The following SLC14A2 variants were observed in gnomAD, a reference collection of about 807,000 sequenced individuals.
SLC14A2 encodes solute carrier family 14 member 2.
SLC14A2 carries 91 observed loss-of-function variants against 104.6 expected under a neutral mutation model. That is an observed-to-expected ratio of 0.87 (90% confidence interval 0.73 to 1.04). The LOEUF is 1.04. Among genes scored for constraint, SLC14A2 ranks in the 50% least tolerant of loss-of-function variants. SLC14A2 has a pLI of 0.00. For missense variants in SLC14A2, 1,189 were observed against 1,156.0 expected (o/e 1.03, Z -0.41); for synonymous variants, 476 against 466.4 (o/e 1.02, Z -0.27).
intron 1 of SLC14A2, among the ~76,000 whole-genome samples, chr18:45,318,412 A>G (rs1293780665): frequency 6.6e-6 from 1 of 152,212 alleles, no homozygotes; most frequent in Non-Finnish European, 1.5e-5. Flanking sequence ...CCACAGGCTC[A>G]GGGCAGCTGA....
At position 45,357,345 on chromosome 18, in the gene SLC14A2, C is replaced by T. The variant is rs116731312; in HGVS notation, c.-124-125888C>T. Among the ~76,000 whole-genome samples the T allele has an allele frequency of 1.5e-3, 227 of 149,990 alleles. 1 individual carries two copies. Among genetic ancestry groups the T allele is most frequent in the African/African-American group, 5.4e-3 (217 of 40,444 alleles). On this transcript the variant is annotated intron_variant, in intron 1 of 20. Transcript: ENST00000586448. ...GGAAGAAAGAGGCCAGGCATGGTGG[C>T]TCACGCCTGTAATCCTAGCAATTTG...
rs192217516 is a variant in SLC14A2, at chr18:45,272,953, G to A, written c.-125+59762G>A. Among the ~76,000 whole-genome samples the A allele has an allele frequency of 4.7e-4, 72 of 152,148 alleles. 1 individual carries two copies. Among genetic ancestry groups the A allele is most frequent in the Middle Eastern group, 3.4e-3 (1 of 294 alleles). On this transcript the variant is annotated intron_variant, in intron 1 of 20. Coordinates refer to the SLC14A2 transcript ENST00000586448. The stretch of plus-strand genomic sequence containing the variant: ...AGCCAGCAACTGAATCCCTTATAGG[G>A]AGCCTAGTCATTAAGTAAACCCTAC...
chr18:45,461,250 G>A (rs560104380), intron 1 of SLC14A2, among the ~76,000 whole-genome samples: 250 of 152,248 alleles, frequency 1.6e-3, no homozygotes, highest in African/African-American at 5.7e-3. Flanking sequence ...TATTGCATTG[G>A]GAAAACTTGC....
At chr18:45,205,078 G>A in the SLC14A2 span, among the ~76,000 whole-genome samples, 1 of 152,162 alleles carries the variant, frequency 6.6e-6, no homozygotes, top group South Asian at 2.1e-4. Flanking sequence ...GTGAGAACTT[G>A]GAGCTTCCAC....
chr18:45,611,320 G>T (rs1421478568), upstream of SLC14A2, among the ~76,000 whole-genome samples: 3 of 152,144 alleles, frequency 2.0e-5, no homozygotes, highest in Non-Finnish European at 2.9e-5. Context: ...TGACTCCAAA[G>T]CCATGTTGTT....
intron 1 of SLC14A2, among the ~76,000 whole-genome samples, chr18:45,288,439 G>A (rs1377689661): frequency 1.3e-5 from 2 of 152,196 alleles, no homozygotes; most frequent in African/African-American, 4.8e-5. Context: ...TTTGCACTTT[G>A]GGGTGTAGTT....
At chr18:45,255,835 A>G (rs1178500305) in intron 1 of SLC14A2, among the ~76,000 whole-genome samples, 7 of 152,092 alleles carry the variant, frequency 4.6e-5, no homozygotes, top group Admixed American at 2.0e-4. Flanking sequence ...ACCCCCTTCA[A>G]TGGTGTCCTT....
chr18:45,375,465 G>A (rs555734492), intron 1 of SLC14A2, among the ~76,000 whole-genome samples: 3 of 152,186 alleles, frequency 2.0e-5, no homozygotes, highest in East Asian at 3.9e-4. Context: ...AACTTCCCAT[G>A]AGTTCATCTC....
At chr18:45,281,401 C>A (rs1442093608) in intron 1 of SLC14A2, among the ~76,000 whole-genome samples, 3 of 152,158 alleles carry the variant, frequency 2.0e-5, no homozygotes, top group Non-Finnish European at 4.4e-5. Context: ...AAGCACCAGG[C>A]AGGATTATCA....
At chr18:45,666,867 C>T (rs1288159769) in intron 12 of SLC14A2, 68 bp from the exon 13 acceptor site, 2 of 1,390,416 alleles carry the variant, frequency 1.4e-6, no homozygotes, top group East Asian at 2.3e-5. Context: ...TGAGTGACCA[C>T]AAACATGAAT....
At chr18:45,308,746 C>T (rs2085048784) in intron 1 of SLC14A2, among the ~76,000 whole-genome samples, 1 of 152,172 alleles carries the variant, frequency 6.6e-6, no homozygotes, top group African/African-American at 2.4e-5. Context: ...AAGATAATTG[C>T]TTAACTAAAG....
chr18:45,500,576 CA>C lies in SLC14A2; in HGVS notation c.-35+17274del, dbSNP rs34543837. Among the ~76,000 whole-genome samples the C allele has an allele frequency of 3.9e-3, 367 of 93,870 alleles. 2 individuals are homozygous for C. The highest frequency in any genetic ancestry group is 0.014 in the African/African-American group (302 of 20,880). 61.6% of individuals were successfully genotyped at this position (93,870 alleles called of 152,430 possible). On this transcript the variant is annotated intron_variant, in intron 2 of 20. Coordinates refer to the SLC14A2 transcript ENST00000586448. The stretch of plus-strand genomic sequence containing the variant: ...TGGGCGACAGAGCGAGACTCCGTCT[CA>C]AAAAAAAAAAAAAAAAAAAGAAATC...
Position 45,669,415 on chromosome 18 carries a change from TACA to T in SLC14A2, c.2149_2151del (p.Asn717del), listed in dbSNP as rs1198252253. The T allele has an allele frequency of 8.7e-6, 14 of 1,613,794 alleles. No individual in the cohort carries two copies. Among genetic ancestry groups the T allele is most frequent in the African/African-American group, 1.3e-5 (1 of 75,036 alleles). On this transcript the variant is annotated inframe_deletion, in exon 16 of 20. Transcript: ENST00000255226. ...TTTGTACCTGGCAGCCACGGGCCAC[TACA>T]ACCTTTTCTTCCCCACAACGCTGCT...
At chr18:45,277,857 A>G (rs1273046514) in intron 1 of SLC14A2, among the ~76,000 whole-genome samples, 2 of 152,220 alleles carry the variant, frequency 1.3e-5, no homozygotes, top group Non-Finnish European at 2.9e-5. Flanking sequence ...TTCTGTTCTA[A>G]AGGGGTTTCC....
intron 2 of SLC14A2, among the ~76,000 whole-genome samples, chr18:45,508,372 C>T (rs1487604473): frequency 2.0e-5 from 3 of 152,202 alleles, no homozygotes; most frequent in African/African-American, 7.2e-5. Flanking sequence ...CTTTCCCATG[C>T]TGTTCTTGTG....
intron 1 of SLC14A2, among the ~76,000 whole-genome samples, chr18:45,349,076 G>A (rs1053694102): frequency 3.9e-4 from 60 of 152,338 alleles, no homozygotes; most frequent in African/African-American, 1.4e-3. Flanking sequence ...GCGACAGTGT[G>A]TAATGGAGTT....
At chr18:45,389,695 G>A (rs1233859711) in intron 1 of SLC14A2, among the ~76,000 whole-genome samples, 1 of 152,178 alleles carries the variant, frequency 6.6e-6, no homozygotes, top group Admixed American at 6.5e-5. Flanking sequence ...AGGCAATATA[G>A]GCTTAGGCAA....
intron 1 of SLC14A2, among the ~76,000 whole-genome samples, chr18:45,407,820 A>G (rs552223684): frequency 6.6e-6 from 1 of 152,228 alleles, no homozygotes; most frequent in African/African-American, 2.4e-5. Flanking sequence ...TTATCAATTA[A>G]GTTCACAATC....
intron 1 of SLC14A2, among the ~76,000 whole-genome samples, chr18:45,310,878 AG>A (rs930342163): frequency 2.0e-5 from 3 of 152,188 alleles, no homozygotes; most frequent in African/African-American, 7.2e-5. Context: ...AGTTCCTTAG[AG>A]AGGGTTTATA....
Sources: allele counts gnomAD v4.1 joint callset (sites outside exome capture counted in the v4.1 genomes callset), GRCh38; gene constraint gnomAD v4.1.1; transcripts MANE v1.5; gene names NCBI Gene and HGNC (gene_info 2026-07-23, HGNC 2026-07-21).